PFKM: variants seen among roughly 807,000 people sequenced by gnomAD.
PFKM encodes the protein ATP-dependent 6-phosphofructokinase, muscle type.
A neutral mutation model predicts 95.5 loss-of-function variants in PFKM; 58 were observed. That is an observed-to-expected ratio of 0.61 (90% CI 0.49 to 0.76). The LOEUF (loss-of-function observed/expected upper bound fraction) is 0.76. Ranked by LOEUF, PFKM falls within the 30% of genes least tolerant of loss-of-function variation. The probability of loss-of-function intolerance (pLI) is 0.00; values close to 1 mark genes in which losing one functional copy is unlikely to be tolerated. For synonymous variants in PFKM, 336 were observed against 357.2 expected, an observed-to-expected ratio of 0.94 and a Z score of 0.67; for missense variants, 678 against 1,005.4, an observed-to-expected ratio of 0.67 and a Z score of 4.40.
At chr12:48,127,672 C>A (rs562563273) in intron 2 of PFKM, among the ~76,000 whole-genome samples, 44 of 152,308 alleles carry the variant, frequency 2.9e-4, no homozygotes, top group Admixed American at 9.1e-4. Context: ...CTAGAAATCC[C>A]TCTCTCAAGC....
intron 9 of PFKM, 99 bp downstream of exon 9, chr12:48,135,137 A>T (rs773569940): frequency 3.1e-5 from 35 of 1,124,748 alleles, no homozygotes; most frequent in Non-Finnish European, 4.4e-5. Flanking sequence ...GTCCTTCTGC[A>T]CATCTCTCCC....
chr12:48,115,590 A>G (rs901969427), upstream of PFKM, among the ~76,000 whole-genome samples: 4 of 152,184 alleles, frequency 2.6e-5, no homozygotes, highest in Non-Finnish European at 4.4e-5. Context: ...TCACTTTTGT[A>G]GATCTTCAGT....
chr12:48,146,205 T>G lies in PFKM; in HGVS notation c.*497T>G, dbSNP rs1444500160. 2.8e-5 allele frequency: 5 copies of G among 180,924 alleles called. No homozygotes were observed. Among genetic ancestry groups the G allele is most frequent in the African/African-American group, 7.1e-5 (3 of 41,982 alleles). The allele number at this position is 180,924 out of a possible 1,614,324, so 11.2% of individuals were successfully genotyped here. On this transcript the variant is annotated 3_prime_UTR_variant, in exon 23 of 23. Coordinates refer to ENST00000359794, the MANE Select transcript of PFKM (RefSeq NM_000289.6). ...TGAAGCAGTAAAGACGTTAAGGGTA[T>G]CACAGGGGGTGGAGGAAGGGATTAT... is the stretch of plus-strand genomic sequence containing the variant.
rs374418157 is a variant in PFKM at position 48,145,630 on chromosome 12, C to T, written c.2265C>T (p.Tyr755=). The change falls in exon 23 of 23, where the codon TAC becomes TAT. Residue 755 remains tyrosine (Y), a synonymous_variant. Transcript: ENST00000359794. The surrounding 1 kb of genome is among the most constrained non-coding windows in gnomAD (Gnocchi z 4.3). Reference sequence around the variant, plus strand: ...CCATCCTCAAAATCCTAGCCAAGTACGAGATTGACTTGGACACTTCAGACC... The same window carrying T: ...CCATCCTCAAAATCCTAGCCAAGTATGAGATTGACTTGGACACTTCAGACC... ...LRPILKILAK[Y]EIDLDTSDHA... is the part of the protein sequence containing the mutation. 4.6e-5 allele frequency: 75 copies of T among 1,613,772 alleles called. No individual in the cohort carries two copies. In the Middle Eastern group the frequency reaches 4.9e-4, roughly 11 times the overall value.
At chr12:48,131,486 T>C (rs1949479415) in intron 4 of PFKM, 93 bp downstream of exon 4, 1 of 902,648 alleles carries the variant, frequency 1.1e-6, no homozygotes. Context: ...TTCCCTGTCA[T>C]GTGGTTTCAT....
Position 48,142,165 on chromosome 12 carries a change from A to G in PFKM, c.1653+99A>G. ...GTGAGCTACTCTTTATATCAAGCAA[A>G]TGGGAATGTTTGAAAATGATTCTTC... On this transcript the variant is annotated intron_variant, in intron 17 of 22. Transcript: ENST00000359794. 3.4e-6 allele frequency: 4 copies of G among 1,189,488 alleles called. No homozygotes were observed. The Admixed American group carries it at 5.1e-5, about 15-fold the overall frequency. 73.7% of individuals were successfully genotyped at this position (1,189,488 alleles called of 1,614,324 possible). A position where few individuals can be genotyped will look rare whatever the true frequency, so the allele number is the denominator to read the frequency against.
At position 48,142,176 on chromosome 12, in the gene PFKM, T is replaced by G. The variant is rs74089120; in HGVS notation, c.1653+110T>G. ...TTTATATCAAGCAAATGGGAATGTT[T>G]GAAAATGATTCTTCAGCTGGGCATG... On this transcript the variant is annotated intron_variant, in intron 17 of 22. Coordinates refer to ENST00000359794, the MANE Select transcript of PFKM (RefSeq NM_000289.6). 5,433 of 1,140,932 alleles carry G rather than the reference T, an allele frequency of 4.8e-3. 170 individuals carry two copies. The African/African-American group carries it at 0.068, about 14-fold the overall frequency. 70.7% of individuals were successfully genotyped at this position (1,140,932 alleles called of 1,614,324 possible). A position where few individuals can be genotyped will look rare whatever the true frequency, so the allele number is the denominator to read the frequency against.
At chr12:48,140,260 A>G (rs373720219) in intron 13 of PFKM, among the ~76,000 whole-genome samples, 32 of 152,312 alleles carry the variant, frequency 2.1e-4, no homozygotes, top group African/African-American at 7.2e-4. Flanking sequence ...CTTCCACTGG[A>G]GTAGTGGTTC....
intron 2 of PFKM, among the ~76,000 whole-genome samples, chr12:48,126,516 T>G (rs1257215953): frequency 2.4e-4 from 36 of 152,166 alleles, no homozygotes; most frequent in Admixed American, 2.4e-3. Flanking sequence ...TGTGAGATTT[T>G]TTTTGTATGC....
intron 4 of PFKM, 41 bp from the exon 5 acceptor site, chr12:48,132,827 G>T: frequency 6.5e-7 from 1 of 1,538,064 alleles, no homozygotes; most frequent in South Asian, 1.2e-5. Context: ...TCAGCATGTT[G>T]AGCCCTGTCT....
intron 11 of PFKM, among the ~76,000 whole-genome samples, chr12:48,139,030 G>A (rs1950348231): frequency 6.6e-6 from 1 of 152,182 alleles, no homozygotes; most frequent in Admixed American, 6.5e-5. Flanking sequence ...GACAGAGCGA[G>A]ACTCCGTCTC....
chr12:48,131,542 T>C (rs1949483834), intron 4 of PFKM, 149 bp downstream of exon 4: 1 of 702,738 alleles, frequency 1.4e-6, no homozygotes, highest in Non-Finnish European at 2.6e-6. Flanking sequence ...TGCCCTTTAC[T>C]CTTAGCATTT....
intron 3 of PFKM, among the ~76,000 whole-genome samples, chr12:48,110,936 C>T (rs1006805645): frequency 1.3e-5 from 2 of 152,150 alleles, no homozygotes; most frequent in Non-Finnish European, 2.9e-5. Flanking sequence ...GTACACTTTA[C>T]CCCTATGTCC....
chr12:48,118,544 G>T, upstream of PFKM: 1 of 1,524,590 alleles, frequency 6.6e-7, no homozygotes, highest in Non-Finnish European at 8.8e-7. Context: ...AGCAAGAGGA[G>T]ACCCGACTGT....
chr12:48,138,296 G>A (rs150220016), intron 11 of PFKM, among the ~76,000 whole-genome samples: 1 of 152,312 alleles, frequency 6.6e-6, no homozygotes, highest in Non-Finnish European at 1.5e-5. Flanking sequence ...GAGGGTTATT[G>A]TAAGGATTGG....
chr12:48,129,471 A>T (rs1949228838), intron 2 of PFKM, among the ~76,000 whole-genome samples: 1 of 152,016 alleles, frequency 6.6e-6, no homozygotes, highest in Non-Finnish European at 1.5e-5. Context: ...AGACTAGCAA[A>T]TATTTGTTGA....
upstream of PFKM, chr12:48,105,366 G>A (rs756264803): frequency 3.9e-6 from 2 of 519,000 alleles, no homozygotes; most frequent in Non-Finnish European, 7.7e-6. Context: ...GATCACGTTA[G>A]GGTACACCAA....
chr12:48,109,959 G>A (rs1358886092), intron 3 of PFKM, among the ~76,000 whole-genome samples: 1 of 152,136 alleles, frequency 6.6e-6, no homozygotes, highest in Non-Finnish European at 1.5e-5. Flanking sequence ...AAACAAAACA[G>A]GTACATTGTC....
intron 17 of PFKM, chr12:48,142,516 GTT>G (rs542245240): frequency 2.6e-5 from 11 of 423,228 alleles, no homozygotes; most frequent in African/African-American, 4.5e-5. Context: ...TGTTTTGTTT[GTT>G]TTTTTTTTTC....
Sources: allele counts gnomAD v4.1 joint callset (sites outside exome capture counted in the v4.1 genomes callset), GRCh38; gene constraint gnomAD v4.1.1; non-coding constraint Gnocchi (gnomAD v3.1); transcripts MANE v1.5; gene names NCBI Gene and HGNC (gene_info 2026-07-23, HGNC 2026-07-21).